ACAT1: variants seen among roughly 807,000 people sequenced by gnomAD.
ACAT1 encodes acetyl-CoA acetyltransferase 1, also known as acetyl-CoA acetyltransferase, mitochondrial.
ACAT1 carries 28 observed loss-of-function variants against 47.3 expected under a neutral mutation model. That is an observed-to-expected ratio of 0.59 (90% confidence interval 0.44 to 0.81). ACAT1 has a LOEUF of 0.81. ACAT1 is among the 30% of genes least tolerant of loss of function. ACAT1 has a pLI of 0.00. For missense variants in ACAT1, 469 were observed against 524.3 expected (o/e 0.89, Z 1.03); for synonymous variants, 181 against 173.6 (o/e 1.04, Z -0.34).
chr11:108,146,472 T>G, intron 11 of ACAT1, 113 bp downstream of exon 11: 1 of 1,247,810 alleles, frequency 8.0e-7, no homozygotes, highest in Non-Finnish European at 1.1e-6. Flanking sequence ...CTACCCATCT[T>G]TCATAAGGCA....
intron 2 of ACAT1, among the ~76,000 whole-genome samples, chr11:108,132,717 G>T (rs966976673): frequency 2.0e-5 from 3 of 151,738 alleles, no homozygotes; most frequent in Non-Finnish European, 2.9e-5. Flanking sequence ...AGGTGGGCAT[G>T]GTGGCAGGCA....
At chr11:108,136,009 A>G in intron 5 of ACAT1, 2 of 546,268 alleles carry the variant, frequency 3.7e-6, no homozygotes, top group East Asian at 3.1e-5. Flanking sequence ...TGTAGTCATT[A>G]AGTTAAGTTC....
chr11:108,127,067 C>T lies in ACAT1; in HGVS notation c.73-4840C>T, dbSNP rs546660545. Among the ~76,000 whole-genome samples the T allele has an allele frequency of 3.3e-5, 5 of 151,700 alleles. No homozygotes were observed. The South Asian group carries it at 6.2e-4, about 19-fold the overall frequency. On this transcript the variant is annotated intron_variant, in intron 1 of 11. Coordinates refer to ENST00000265838, the MANE Select transcript of ACAT1 (RefSeq NM_000019.4). ...TCCTGACCTCGTGATCCGCCCCCCT[C>T]GGCCTCCCAAACTGCTGGGATTACA...
intron 1 of ACAT1, among the ~76,000 whole-genome samples, chr11:108,126,262 C>G (rs1346016368): frequency 1.3e-5 from 2 of 152,132 alleles, no homozygotes; most frequent in African/African-American, 4.8e-5. Context: ...CTCGGCCTCC[C>G]AAAGGGCTGG....
At chr11:108,121,403 C>G, upstream of ACAT1, 1 of 633,380 alleles carries the variant, frequency 1.6e-6, no homozygotes, top group East Asian at 2.8e-5. Context: ...GTCCTTCACT[C>G]GTCAACCTTT....
intron 10 of ACAT1, among the ~76,000 whole-genome samples, chr11:108,144,764 G>A (rs780470535): frequency 1.8e-4 from 27 of 152,062 alleles, no homozygotes; most frequent in Non-Finnish European, 3.7e-4. Context: ...GAAACAAGGG[G>A]CCAGTGGAGT....
At chr11:108,119,404 A>G (rs2135277769), upstream of ACAT1, among the ~76,000 whole-genome samples, 1 of 152,124 alleles carries the variant, frequency 6.6e-6, no homozygotes, top group South Asian at 2.1e-4. Context: ...GGGTTTTGCT[A>G]TGTTGGCCAG....
At chr11:108,137,377 T>C (rs1591365701) in intron 5 of ACAT1, among the ~76,000 whole-genome samples, 1 of 152,164 alleles carries the variant, frequency 6.6e-6, no homozygotes, top group Non-Finnish European at 1.5e-5. Flanking sequence ...GAAGGGATAC[T>C]GTAAAGGCTT....
chr11:108,144,352 C>T, intron 10 of ACAT1: 1 of 376,912 alleles, frequency 2.7e-6, no homozygotes, highest in Non-Finnish European at 4.8e-6. Flanking sequence ...GGAGGGAATG[C>T]TGGCTGATGG....
chr11:108,140,743 C>T (rs1304915206), intron 7 of ACAT1, among the ~76,000 whole-genome samples: 1 of 152,182 alleles, frequency 6.6e-6, no homozygotes, highest in Non-Finnish European at 1.5e-5. Flanking sequence ...CAGAATAAAT[C>T]CACAATGAAG....
chr11:108,146,393 A>C, intron 11 of ACAT1, 34 bp downstream of exon 11: 1 of 1,609,324 alleles, frequency 6.2e-7, no homozygotes, highest in Non-Finnish European at 8.5e-7. Context: ...CTAGGTTAAG[A>C]GCTGCCTTTG....
intron 5 of ACAT1, 85 bp downstream of exon 5, chr11:108,135,327 A>G (rs1018368329): frequency 1.0e-6 from 1 of 953,178 alleles, no homozygotes; most frequent in Admixed American, 2.0e-5. Context: ...TTCATATTTT[A>G]GAAATGAGAT....
intron 1 of ACAT1, among the ~76,000 whole-genome samples, chr11:108,123,150 G>A (rs539167733): frequency 4.0e-4 from 61 of 152,104 alleles, no homozygotes; most frequent in African/African-American, 1.4e-3. Context: ...CAGGAGAATC[G>A]CTTGAACCCG....
chr11:108,134,118 AAAG>A (rs2077414667), intron 3 of ACAT1, 100 bp from the exon 4 acceptor site: 5 of 1,265,066 alleles, frequency 4.0e-6, no homozygotes, highest in South Asian at 2.6e-5. Flanking sequence ...CTGACAAAAA[AAAG>A]AAACCATTCC....
chr11:108,124,294 G>A (rs2077207757), intron 1 of ACAT1, among the ~76,000 whole-genome samples: 1 of 151,802 alleles, frequency 6.6e-6, no homozygotes. Context: ...ATCAAGTTTC[G>A]CTCTTGTTGC....
intron 5 of ACAT1, among the ~76,000 whole-genome samples, chr11:108,135,834 A>C (rs192903238): frequency 2.4e-4 from 36 of 152,262 alleles, no homozygotes; most frequent in Admixed American, 1.4e-3. Context: ...AAAAAAAAAA[A>C]ATTGTTTTTA....
chr11:108,116,934 A>G (rs1390856422), upstream of ACAT1, among the ~76,000 whole-genome samples: 2 of 152,168 alleles, frequency 1.3e-5, no homozygotes, highest in African/African-American at 4.8e-5. Context: ...GTTTTAAGCC[A>G]CCCAGTTGGT....
intron 2 of ACAT1, among the ~76,000 whole-genome samples, chr11:108,132,510 C>T (rs538465837): frequency 6.6e-6 from 1 of 152,234 alleles, no homozygotes; most frequent in Non-Finnish European, 1.5e-5. Context: ...TTCAAGAGAG[C>T]TTTTATCTTC....
intron 1 of ACAT1, among the ~76,000 whole-genome samples, chr11:108,125,083 C>G (rs1166508447): frequency 6.6e-6 from 1 of 152,158 alleles, no homozygotes; most frequent in African/African-American, 2.4e-5. Flanking sequence ...TGTCTGCTGC[C>G]ATCACTGGGA....
Sources: gnomAD v4.1 joint callset for allele counts (sites outside exome capture counted in the v4.1 genomes callset) on GRCh38, gnomAD v4.1.1 for gene constraint, MANE v1.5 for transcripts, NCBI Gene and HGNC (gene_info 2026-07-23, HGNC 2026-07-21) for gene names.